Variants in CSMD1 observed in about 807,000 individuals in gnomAD.
The protein encoded by CSMD1 is CUB and Sushi multiple domains 1.
Under a neutral mutation model 417.5 loss-of-function variants are expected in CSMD1, and 213 were observed. The ratio of observed to expected loss-of-function variants is 0.51; its 90% confidence interval spans 0.46 to 0.57. The LOEUF is 0.57. Among genes scored for constraint, CSMD1 ranks in the 20% least tolerant of loss-of-function variants. The probability of loss-of-function intolerance (pLI) is 0.00; values close to 1 mark genes in which losing one functional copy is unlikely to be tolerated. For missense variants in CSMD1, 6,923 were observed against 4,529.7 expected (o/e 1.53, Z -15.17); for synonymous variants, 2,862 against 1,736.8 (o/e 1.65, Z -16.11).
At chr8:4,269,664 C>A (rs1187706952) in intron 3 of CSMD1, among the ~76,000 whole-genome samples, 1 of 152,120 alleles carries the variant, frequency 6.6e-6, no homozygotes, top group African/African-American at 2.4e-5. Context: ...GTTGCCTGAT[C>A]CAAAATAAAA....
At chr8:3,697,352 G>C (rs1489509179) in intron 7 of CSMD1, among the ~76,000 whole-genome samples, 1 of 152,178 alleles carries the variant, frequency 6.6e-6, no homozygotes, top group South Asian at 2.1e-4. Flanking sequence ...CCAGGCTTAA[G>C]AGATATGTAC....
intron 5 of CSMD1, among the ~76,000 whole-genome samples, chr8:3,831,466 A>G (rs1015961172): frequency 6.6e-6 from 1 of 152,168 alleles, no homozygotes; most frequent in Non-Finnish European, 1.5e-5. Context: ...TTCCTTATAA[A>G]CATGATATTG....
intron 3 of CSMD1, among the ~76,000 whole-genome samples, chr8:4,161,294 C>G (rs996936079): frequency 4.6e-5 from 7 of 152,160 alleles, no homozygotes; most frequent in Non-Finnish European, 1.0e-4. Flanking sequence ...ACCAGCTACA[C>G]ATAATTGATA....
At chr8:4,955,690 A>T (rs1809054003) in intron 1 of CSMD1, among the ~76,000 whole-genome samples, 1 of 152,122 alleles carries the variant, frequency 6.6e-6, no homozygotes, top group African/African-American at 2.4e-5. Flanking sequence ...TCCTGACCTC[A>T]GGTGATCCAC....
chr8:4,127,004 C>G (rs1027870338), intron 3 of CSMD1, among the ~76,000 whole-genome samples: 2 of 152,246 alleles, frequency 1.3e-5, no homozygotes, highest in South Asian at 2.1e-4. Flanking sequence ...TTGAGAGCCA[C>G]TGGCCTACAA....
intron 3 of CSMD1, among the ~76,000 whole-genome samples, chr8:4,306,562 C>T (rs1394477): frequency 0.76 from 114,647 of 151,850 alleles, 43,390 homozygotes; most frequent in East Asian, 0.85. Flanking sequence ...TGCAAAAAAA[C>T]AGCTCCCTGC....
chr8:3,386,555 C>T (rs1049893263), intron 18 of CSMD1, among the ~76,000 whole-genome samples: 1 of 152,154 alleles, frequency 6.6e-6, no homozygotes, highest in Non-Finnish European at 1.5e-5. Flanking sequence ...TTTCCATAAA[C>T]CCTGTTATTT....
At chr8:4,398,555 G>A (rs1007141762) in intron 3 of CSMD1, among the ~76,000 whole-genome samples, 2 of 151,560 alleles carry the variant, frequency 1.3e-5, no homozygotes, top group Non-Finnish European at 2.9e-5. Context: ...CACCATGCCC[G>A]GCCAAATTTT....
At chr8:4,352,863 T>C (rs1801177159) in intron 3 of CSMD1, among the ~76,000 whole-genome samples, 1 of 152,202 alleles carries the variant, frequency 6.6e-6, no homozygotes, top group Admixed American at 6.5e-5. Flanking sequence ...CTCTTTGTTT[T>C]GTATTGATCG....
In CSMD1 at chr8:4,530,065, C is replaced by G. The variant is rs1392240593; in HGVS notation, c.302+107277G>C. On this transcript the variant is annotated intron_variant, in intron 2 of 69. Transcript: ENST00000635120. ...GAGTAGCTGGGACTACAGGTGCCCG[C>G]CACCACGCCCGACTAGTTTTTTGTA... Among the ~76,000 whole-genome samples the G allele has an allele frequency of 2.6e-5, 4 of 151,918 alleles. No individual in the cohort carries two copies. In the East Asian group the frequency reaches 7.8e-4, roughly 29 times the overall value.
intron 5 of CSMD1, among the ~76,000 whole-genome samples, chr8:3,934,618 G>C (rs905838119): frequency 1.3e-5 from 2 of 152,240 alleles, no homozygotes; most frequent in Admixed American, 1.3e-4. Flanking sequence ...ACTTTGGCAG[G>C]CCAAGGAGGT....
At chr8:3,723,723 G>A (rs1802321199) in intron 6 of CSMD1, among the ~76,000 whole-genome samples, 1 of 152,074 alleles carries the variant, frequency 6.6e-6, no homozygotes, top group South Asian at 2.1e-4. Flanking sequence ...TTTACTTATT[G>A]CACAATATCT....
chr8:2,947,439 G>C (rs1405926367), intron 68 of CSMD1, among the ~76,000 whole-genome samples: 1 of 152,148 alleles, frequency 6.6e-6, no homozygotes, highest in African/African-American at 2.4e-5. Flanking sequence ...TTGAAGGGGG[G>C]ACTTACTTAT....
At chr8:3,453,158 G>C (rs995565129) in intron 12 of CSMD1, among the ~76,000 whole-genome samples, 1 of 152,112 alleles carries the variant, frequency 6.6e-6, no homozygotes, top group Non-Finnish European at 1.5e-5. Context: ...GGGATTGGTG[G>C]TGATATCCCC....
chr8:3,972,625 G>A (rs1348119481), intron 5 of CSMD1, among the ~76,000 whole-genome samples: 3 of 152,118 alleles, frequency 2.0e-5, no homozygotes, highest in Admixed American at 6.5e-5. Flanking sequence ...TAAGCCATTT[G>A]CTTAAGTTAG....
chr8:4,004,516 C>T (rs1216791030), intron 4 of CSMD1, among the ~76,000 whole-genome samples: 1 of 150,876 alleles, frequency 6.6e-6, no homozygotes, highest in African/African-American at 2.4e-5. Context: ...TATTCAGCAA[C>T]AATGAAAACA....
intron 5 of CSMD1, among the ~76,000 whole-genome samples, chr8:3,825,841 T>C (rs1222742179): frequency 6.6e-6 from 1 of 152,062 alleles, no homozygotes; most frequent in Admixed American, 6.6e-5. Context: ...AAATATGAAA[T>C]AGACATATAG....
At chr8:4,700,425 G>T (rs184527443) in intron 1 of CSMD1, among the ~76,000 whole-genome samples, 32 of 152,122 alleles carry the variant, frequency 2.1e-4, no homozygotes, top group Non-Finnish European at 3.7e-4. Context: ...CTTATAAACA[G>T]GTAGGTTTAC....
intron 10 of CSMD1, among the ~76,000 whole-genome samples, chr8:3,552,190 G>A (rs10095714): frequency 0.48 from 72,549 of 151,776 alleles, 17,744 homozygotes; most frequent in East Asian, 0.55. Context: ...ACAGAGTACT[G>A]TCTGTGGAAA....
Sources: allele counts gnomAD v4.1 joint callset (sites outside exome capture counted in the v4.1 genomes callset), GRCh38; gene constraint gnomAD v4.1.1; transcripts MANE v1.5; gene names NCBI Gene and HGNC (gene_info 2026-07-23, HGNC 2026-07-21).